The following LPIN2 variants were observed in gnomAD, a reference collection of about 807,000 sequenced individuals.
The protein encoded by LPIN2 is lipin 2, also known as phosphatidate phosphatase LPIN2.
LPIN2 carries 55 observed loss-of-function variants against 111.4 expected under a neutral mutation model. The observed-to-expected ratio is 0.49, with a 90% CI of 0.40 to 0.62. The LOEUF (loss-of-function observed/expected upper bound fraction) is 0.62, where lower values mean the gene tolerates loss of function less well. Among genes scored for constraint, LPIN2 ranks in the 20% least tolerant of loss-of-function variants. The pLI is 0.00. For missense variants in LPIN2, 992 were observed against 1,112.1 expected (o/e 0.89, Z 1.54); for synonymous variants, 425 against 414.0 (o/e 1.03, Z -0.32).
chr18:3,008,559 A>AT (rs34186660), intron 1 of LPIN2, among the ~76,000 whole-genome samples: 1 of 152,214 alleles, frequency 6.6e-6, no homozygotes, highest in Non-Finnish European at 1.5e-5. Flanking sequence ...TGTACCATAT[A>AT]TTTTTTGCGG....
At chr18:2,977,007 G>A (rs2078029338) in intron 1 of LPIN2, 1 of 152,200 alleles carries the variant, frequency 6.6e-6, no homozygotes, top group African/African-American at 2.4e-5. Flanking sequence ...AGGAGTTCAA[G>A]ACCAGCCTGG....
chr18:2,949,235 A>T (rs1315377011), intron 4 of LPIN2, among the ~76,000 whole-genome samples: 1 of 152,228 alleles, frequency 6.6e-6, no homozygotes, highest in African/African-American at 2.4e-5. Context: ...GGACAGGAAG[A>T]GTCTCTTTTT....
intron 1 of LPIN2, among the ~76,000 whole-genome samples, chr18:3,002,868 C>T (rs897831475): frequency 6.6e-6 from 1 of 152,204 alleles, no homozygotes; most frequent in Non-Finnish European, 1.5e-5. Flanking sequence ...TTCATAAAAC[C>T]CTGCTTTACG....
chr18:2,920,481 A>ATC (rs778729605), intron 19 of LPIN2, 44 bp from the exon 20 acceptor site: 4 of 1,610,574 alleles, frequency 2.5e-6, no homozygotes, highest in South Asian at 1.1e-5. Context: ...TTACTTCAAG[A>ATC]TCGGTCAAAG....
intron 1 of LPIN2, among the ~76,000 whole-genome samples, chr18:2,996,495 T>TTTTTTTTTTTTTTTTTTTG (rs1383642994): frequency 9.6e-6 from 1 of 104,226 alleles, no homozygotes; most frequent in African/African-American, 3.8e-5. Context: ...TTTTTTTTTT[T>TTTTTTTTTTTTTTTTTTTG]GAGACAGAGT....
At chr18:2,937,666 T>C (rs779591006) in intron 7 of LPIN2, 26 bp downstream of exon 7, 1 of 1,593,188 alleles carries the variant, frequency 6.3e-7, no homozygotes, top group Non-Finnish European at 8.6e-7. Flanking sequence ...TGAGAGTACC[T>C]GGAGCCAAAT....
intron 1 of LPIN2, among the ~76,000 whole-genome samples, chr18:2,978,812 G>T (rs200101097): frequency 1.3e-5 from 2 of 152,182 alleles, no homozygotes; most frequent in Non-Finnish European, 2.9e-5. Context: ...CGTCCTTGGG[G>T]CTCACTTCTC....
intron 4 of LPIN2, chr18:2,950,131 T>C (rs1015429141): frequency 2.0e-5 from 3 of 152,108 alleles, no homozygotes; most frequent in Non-Finnish European, 4.4e-5. Context: ...CAAAGCATAT[T>C]TTTTTCCTGG....
At chr18:2,982,364 AT>A (rs1195759207) in intron 1 of LPIN2, among the ~76,000 whole-genome samples, 5 of 152,314 alleles carry the variant, frequency 3.3e-5, no homozygotes, top group African/African-American at 1.2e-4. Context: ...TTGAAACATA[AT>A]TTTTAAAAAT....
chr18:3,006,525 T>C (rs968645645), intron 1 of LPIN2, among the ~76,000 whole-genome samples: 4 of 152,078 alleles, frequency 2.6e-5, no homozygotes, highest in Admixed American at 6.5e-5. Context: ...GCCTGGTCTC[T>C]ACAAAAAAAT....
intron 1 of LPIN2, among the ~76,000 whole-genome samples, chr18:3,008,357 G>A (rs187742009): frequency 1.8e-4 from 27 of 152,306 alleles, no homozygotes; most frequent in African/African-American, 4.1e-4. Context: ...TGGGAGGATC[G>A]CTTGAGCCCT....
At chr18:2,931,129 A>C in intron 9 of LPIN2, 127 bp downstream of exon 9, 1 of 1,119,048 alleles carries the variant, frequency 8.9e-7, no homozygotes, top group South Asian at 1.3e-5. Flanking sequence ...ATTACAGAAC[A>C]TACCTGTTAC....
intron 3 of LPIN2, among the ~76,000 whole-genome samples, chr18:2,951,970 T>C (rs2077544376): frequency 6.6e-6 from 1 of 152,198 alleles, no homozygotes; most frequent in Non-Finnish European, 1.5e-5. Context: ...TTCCTTCCTG[T>C]AGGAATTCAA....
At chr18:2,955,808 G>A (rs1007016564) in intron 2 of LPIN2, among the ~76,000 whole-genome samples, 3 of 152,036 alleles carry the variant, frequency 2.0e-5, no homozygotes, top group Non-Finnish European at 2.9e-5. Context: ...CCAGCTACTC[G>A]GGAGGCTGAG....
intron 1 of LPIN2, among the ~76,000 whole-genome samples, chr18:2,980,716 T>A (rs75498441): frequency 0.01 from 1,559 of 152,300 alleles, 25 homozygotes; most frequent in African/African-American, 0.035. Flanking sequence ...AGACTCAAGA[T>A]CAAGTCTCGC....
rs548948461 is a variant in LPIN2, at chr18:2,921,349, A to G, written c.2442+184T>C. On this transcript the variant is annotated intron_variant, in intron 18 of 19. Coordinates refer to ENST00000677752, the MANE Select transcript of LPIN2 (RefSeq NM_001375808.2). ...CGTATAAATTCTGGGGCAGATCTGC[A>G]CCTGCAGGACCTCCCCAGTTGCTAT... 36 of 642,588 alleles carry G rather than the reference A, an allele frequency of 5.6e-5. No individual in the cohort carries two copies. The African/African-American group carries it at 5.6e-4, about 10-fold the overall frequency. The allele number at this position is 642,588 out of a possible 1,614,324, so 39.8% of individuals were successfully genotyped here.
intron 1 of LPIN2, among the ~76,000 whole-genome samples, chr18:2,999,325 C>T (rs1045632457): frequency 1.3e-5 from 2 of 151,964 alleles, no homozygotes; most frequent in Non-Finnish European, 2.9e-5. Flanking sequence ...GTCCAGGCGC[C>T]GTGGCCCACG....
chr18:2,990,442 G>T (rs1304309066), intron 1 of LPIN2, among the ~76,000 whole-genome samples: 1 of 152,076 alleles, frequency 6.6e-6, no homozygotes, highest in African/African-American at 2.4e-5. Context: ...ACAACTAAAA[G>T]ACAAATGATT....
intron 1 of LPIN2, chr18:2,985,001 C>A (rs2078167447): frequency 6.6e-6 from 1 of 152,428 alleles, no homozygotes; most frequent in African/African-American, 2.4e-5. Flanking sequence ...ATGCAGCTTA[C>A]ACAACAGGTG....
Sources: gnomAD v4.1 joint callset for allele counts (sites outside exome capture counted in the v4.1 genomes callset) on GRCh38, gnomAD v4.1.1 for gene constraint, MANE v1.5 for transcripts, NCBI Gene and HGNC (gene_info 2026-07-23, HGNC 2026-07-21) for gene names.